The following MACF1 variants were observed in gnomAD, a reference collection of about 807,000 sequenced individuals.
MACF1 encodes the protein microtubule-actin cross-linking factor 1.
A neutral mutation model predicts 854.8 loss-of-function variants in MACF1; 193 were observed. That is an observed-to-expected ratio of 0.23 (90% CI 0.20 to 0.25). The LOEUF (loss-of-function observed/expected upper bound fraction) is 0.25, where lower values mean the gene tolerates loss of function less well. Ranked by LOEUF, MACF1 falls within the 10% of genes least tolerant of loss-of-function variation. The pLI is 1.00. For missense variants in MACF1, 7,722 were observed against 8,929.1 expected (o/e 0.86, Z 5.45); for synonymous variants, 3,185 against 3,226.7 (o/e 0.99, Z 0.44).
At chr1:39,144,183 C>T (rs1194617487) in intron 2 of MACF1, among the ~76,000 whole-genome samples, 5 of 150,142 alleles carry the variant, frequency 3.3e-5, no homozygotes, top group East Asian at 2.0e-4. Context: ...CAGGTTCAAG[C>T]GATTCTCCTG....
chr1:39,469,796 TGTCCATGGAA>T (rs1197779674), intron 97 of MACF1, among the ~76,000 whole-genome samples, 181 bp downstream of exon 97: 1 of 152,244 alleles, frequency 6.6e-6, no homozygotes, highest in Non-Finnish European at 1.5e-5. Flanking sequence ...GTTGAGACAG[TGTCCATGGAA>T]TTTGTTTTGA....
At chr1:39,446,066 T>C (rs1456896825) in intron 80 of MACF1, among the ~76,000 whole-genome samples, 1 of 152,158 alleles carries the variant, frequency 6.6e-6, no homozygotes, top group East Asian at 1.9e-4. Flanking sequence ...AACCAAGAAA[T>C]TTTCAGAGAG....
At chr1:39,240,068 A>G (rs962418859) in intron 2 of MACF1, among the ~76,000 whole-genome samples, 1 of 151,880 alleles carries the variant, frequency 6.6e-6, no homozygotes, top group African/African-American at 2.4e-5. Flanking sequence ...CACTTTCTCT[A>G]TTTCTGTTTG....
chr1:39,448,566 CTT>C (rs1215895490), intron 83 of MACF1, 26 bp from the exon 84 acceptor site: 2 of 1,460,108 alleles, frequency 1.4e-6, no homozygotes, highest in Admixed American at 4.8e-5. Flanking sequence ...ACTTTTAACA[CTT>C]TTTTCTTTTC....
Position 39,333,754 on chromosome 1 carries a change from C to T in MACF1, c.7166C>T (p.Thr2389Ile). The change falls in exon 37 of 101, where the codon ACA (threonine) becomes ATA (isoleucine). Residue 2389 changes from threonine to isoleucine, a missense_variant. Around this residue, in one of 15 missense-constraint regions of MACF1, gnomAD observed 1,531 missense variants for 1,601.6 expected, o/e 0.96. Transcript: ENST00000564288. ...QTLCSVKDAV[T>I]VGLLDKETAT... is the part of the protein sequence containing the mutation. ...CTGTGCTCTGTAAAGGATGCAGTTA[C>T]AGTTGGACTTCTTGACAAGGAAACA... The T allele has an allele frequency of 6.2e-7, 1 of 1,614,188 alleles. No individual in the cohort carries two copies. The highest frequency in any genetic ancestry group is 8.5e-7 in the Non-Finnish European group (1 of 1,180,040).
intron 65 of MACF1, 60 bp downstream of exon 65, chr1:39,430,128 G>A (rs1643849813): frequency 6.4e-7 from 1 of 1,551,514 alleles, no homozygotes; most frequent in African/African-American, 1.4e-5. Context: ...GAATCCTTAA[G>A]TTTTATCAAC....
At chr1:39,458,664 A>G (rs1333235212) in intron 90 of MACF1, 174 bp downstream of exon 90, 1 of 762,532 alleles carries the variant, frequency 1.3e-6, no homozygotes, top group Non-Finnish European at 2.0e-6. Flanking sequence ...CAGTAGCTGT[A>G]CTCCATATTC....
In MACF1 at chr1:39,485,561, CCTGGGAGTCGGG is replaced by C. The variant is rs781095837; in HGVS notation, c.22446_22457del (p.Gly7488_Ala7491del). 2.0e-5 allele frequency: 32 copies of C among 1,613,528 alleles called. No homozygotes were observed. The highest frequency in any genetic ancestry group is 1.6e-5 in the Non-Finnish European group (19 of 1,179,780). On this transcript the variant is annotated inframe_deletion, in exon 101 of 101. Coordinates refer to ENST00000564288, the MANE Select transcript of MACF1 (RefSeq NM_001394062.1). ...AGACCCTAAAAAGTCTGCCAGTCGC[CCTGGGAGTCGGG>C]CTGGGAGTCGAGCCGGGAGTCGAGC...
chr1:39,315,779 A>T lies in MACF1; in HGVS notation c.3449+88A>T, dbSNP rs1416232537. On this transcript the variant is annotated intron_variant, in intron 27 of 100. Transcript: ENST00000564288. ...GCTTAAAGTATTTCATGAATAATAC[A>T]GAGAGATTATAGATCCTGAAGAGCA... 3 of 1,305,140 alleles carry T rather than the reference A, an allele frequency of 2.3e-6. No homozygotes were observed. In the African/African-American group the frequency reaches 4.4e-5, roughly 19 times the overall value. 80.8% of individuals were successfully genotyped at this position (1,305,140 alleles called of 1,614,324 possible). A position where few individuals can be genotyped will look rare whatever the true frequency, so the allele number is the denominator to read the frequency against.
At chr1:39,477,135 T>TACACACACACACACAC (rs1553458204) in intron 97 of MACF1, among the ~76,000 whole-genome samples, 9 of 103,368 alleles carry the variant, frequency 8.7e-5, no homozygotes, top group African/African-American at 2.7e-4. Flanking sequence ...TATATATATA[T>TACACACACACACACAC]ACACACACAC....
chr1:39,463,445 G>C (rs1280152595), intron 93 of MACF1, among the ~76,000 whole-genome samples, 167 bp from the exon 94 acceptor site: 1 of 150,446 alleles, frequency 6.6e-6, no homozygotes, highest in Non-Finnish European at 1.5e-5. Context: ...AGCCGAGATC[G>C]CACCATTGCC....
chr1:39,128,567 C>T (rs1478347188), intron 2 of MACF1, among the ~76,000 whole-genome samples: 2 of 152,046 alleles, frequency 1.3e-5, no homozygotes, highest in South Asian at 4.1e-4. Flanking sequence ...GGCGTGGTGG[C>T]GGGCGCCTGT....
At position 39,426,249 on chromosome 1, in the gene MACF1, T is replaced by C. The variant is rs114901699; in HGVS notation, c.16317-1206T>C. On this transcript the variant is annotated intron_variant, in intron 61 of 100. Transcript: ENST00000564288. ...GACTTAGATTGCCACTTAAAAAATA[T>C]GTTTTTCTTTATATTCAAACATAAT... Among the ~76,000 whole-genome samples the C allele has an allele frequency of 5.9e-3, 896 of 152,354 alleles. 7 individuals carry two copies. Among genetic ancestry groups the C allele is most frequent in the Middle Eastern group, 0.017 (5 of 294 alleles).
intron 2 of MACF1, among the ~76,000 whole-genome samples, chr1:39,086,888 G>A (rs1641686227): frequency 1.3e-5 from 2 of 152,196 alleles, no homozygotes; most frequent in South Asian, 2.1e-4. Context: ...TTTGAGGAGG[G>A]GGCTGGGCCA....
chr1:39,148,358 T>C (rs115037210), intron 2 of MACF1, among the ~76,000 whole-genome samples: 3,507 of 152,308 alleles, frequency 0.023, 82 homozygotes, highest in East Asian at 0.13. Flanking sequence ...TGTTGGATAT[T>C]GGTTGTGGCA....
At chr1:39,412,321 A>C in intron 58 of MACF1, 1 of 1,614,076 alleles carries the variant, frequency 6.2e-7, no homozygotes, top group Non-Finnish European at 8.5e-7. Flanking sequence ...TCATTTGGAA[A>C]GTGGGAATGT....
At position 39,105,801 on chromosome 1, in the gene MACF1, T is replaced by C. The variant is rs1642215576; in HGVS notation, c.220+21363T>C. On this transcript the variant is annotated intron_variant, in intron 2 of 93. Transcript: ENST00000361689. The surrounding 1 kb of genome is among the most constrained non-coding windows in gnomAD (Gnocchi z 5.9). ...AGCCGGTCGGCTCGGCGGCTGCAGG[T>C]GGGGCGGCCGGGCGGGGTCGCACCC... 3.8e-5 allele frequency: 37 copies of C among 977,686 alleles called. No individual in the cohort carries two copies. Among genetic ancestry groups the C allele is most frequent in the Non-Finnish European group, 4.4e-5 (36 of 821,470 alleles). The allele number at this position is 977,686 out of a possible 1,614,324, so 60.6% of individuals were successfully genotyped here.
At chr1:39,282,100 C>G (rs1218095549) in intron 6 of MACF1, 108 bp from the exon 7 acceptor site, 2 of 1,126,980 alleles carry the variant, frequency 1.8e-6, no homozygotes, top group Admixed American at 2.3e-5. Context: ...TAAAGTGCTT[C>G]CAGCCTTGGA....
At chr1:39,347,996 A>G (rs1647094971) in intron 41 of MACF1, among the ~76,000 whole-genome samples, 1 of 152,230 alleles carries the variant, frequency 6.6e-6, no homozygotes, top group African/African-American at 2.4e-5. Flanking sequence ...TGCTATTTGA[A>G]TAGTAAGTTG....
Sources: gnomAD v4.1 joint callset for allele counts (sites outside exome capture counted in the v4.1 genomes callset) on GRCh38, gnomAD v4.1.1 for gene constraint, gnomAD v4.1.1 regional missense constraint, Gnocchi (gnomAD v3.1) non-coding constraint, MANE v1.5 for transcripts, NCBI Gene and HGNC (gene_info 2026-07-23, HGNC 2026-07-21) for gene names.